MEIS1: variants seen among roughly 807,000 people sequenced by gnomAD.
MEIS1 encodes the protein homeobox protein Meis1.
MEIS1 carries 5 observed loss-of-function variants against 50.8 expected under a neutral mutation model. The ratio of observed to expected loss-of-function variants is 0.10; its 90% CI spans 0.05 to 0.21. The LOEUF (loss-of-function observed/expected upper bound fraction) is 0.21, where lower values mean the gene tolerates loss of function less well. Among genes scored for constraint, MEIS1 ranks in the 10% least tolerant of loss-of-function variants. MEIS1 has a pLI of 1.00. For synonymous variants in MEIS1, 176 were observed against 179.3 expected, an observed-to-expected ratio of 0.98 and a Z score of 0.15; for missense variants, 318 against 517.3, an observed-to-expected ratio of 0.61 and a Z score of 3.74.
In MEIS1 at chr2:66,573,286, G is replaced by GA. The variant is rs1220215138; in HGVS notation, c.*2080dup. 6 of 152,154 alleles carry GA rather than the reference G, an allele frequency of 3.9e-5. No homozygotes were observed. The highest frequency in any genetic ancestry group is 1.5e-5 in the Non-Finnish European group (1 of 68,030). The allele number at this position is 152,154 out of a possible 1,614,324, so 9.4% of individuals were successfully genotyped here. The stretch of plus-strand genomic sequence containing the variant: ...GGTAGAAAATAATATGTTTAAGCTG[G>GA]AATAGCTTATAATTTTATTTAAATA... On this transcript the variant is annotated 3_prime_UTR_variant, in exon 13 of 13. Transcript: ENST00000272369.
intron 7 of MEIS1, among the ~76,000 whole-genome samples, chr2:66,474,218 G>T (rs1672836114): frequency 6.6e-6 from 1 of 152,036 alleles, no homozygotes; most frequent in Admixed American, 6.6e-5. Flanking sequence ...CTCCTACCCT[G>T]GGACATCACC....
At chr2:66,550,464 CTGTTTTGTTTTGTTT>C (rs56404928) in intron 9 of MEIS1, among the ~76,000 whole-genome samples, 9,793 of 147,942 alleles carry the variant, frequency 0.066, 707 homozygotes, top group African/African-American at 0.17. Flanking sequence ...AAACCTCTTC[CTGTTTTGTTTTGTTT>C]TGTTTTGTTT....
intron 6 of MEIS1, among the ~76,000 whole-genome samples, chr2:66,449,464 A>G (rs1016424987): frequency 5.3e-5 from 8 of 152,142 alleles, no homozygotes; most frequent in African/African-American, 1.9e-4. Context: ...AAAAGATAAA[A>G]GAACATCTTC....
intron 9 of MEIS1, among the ~76,000 whole-genome samples, chr2:66,552,630 T>TG (rs1202873231): frequency 6.6e-6 from 1 of 152,128 alleles, no homozygotes; most frequent in Non-Finnish European, 1.5e-5. Context: ...TTATTATGAG[T>TG]GGGAAAAAAG....
chr2:66,543,000 C>T (rs183157164), intron 8 of MEIS1, among the ~76,000 whole-genome samples: 1 of 152,286 alleles, frequency 6.6e-6, no homozygotes, highest in East Asian at 1.9e-4. Flanking sequence ...TCAATAAACA[C>T]ACTTTCTTTC....
chr2:66,506,556 C>G (rs1330255573), intron 7 of MEIS1, among the ~76,000 whole-genome samples: 1 of 152,086 alleles, frequency 6.6e-6, no homozygotes, highest in African/African-American at 2.4e-5. Flanking sequence ...CCACGCCAGG[C>G]TAAGAAGTAT....
intron 7 of MEIS1, among the ~76,000 whole-genome samples, chr2:66,488,765 T>G (rs1361208279): frequency 6.6e-6 from 1 of 152,178 alleles, no homozygotes; most frequent in Admixed American, 6.5e-5. Context: ...GATAACAAGG[T>G]GAATATATCT....
chr2:66,435,985 T>C (rs1415469004), intron 1 of MEIS1, 117 bp downstream of exon 1: 1 of 864,534 alleles, frequency 1.2e-6, no homozygotes, highest in African/African-American at 1.8e-5. Context: ...ATGAGGCTCC[T>C]AAAGCCGTGG....
intron 1 of MEIS1, 74 bp from the exon 2 acceptor site, chr2:66,437,662 AG>A (rs1252134951): frequency 1.5e-6 from 2 of 1,360,848 alleles, no homozygotes; most frequent in Non-Finnish European, 2.1e-6. Flanking sequence ...ACCTTATATA[AG>A]CTCGGTGCCT....
intron 7 of MEIS1, among the ~76,000 whole-genome samples, chr2:66,493,323 A>G (rs1344271756): frequency 6.6e-6 from 1 of 152,160 alleles, no homozygotes; most frequent in East Asian, 1.9e-4. Context: ...AAGGACGCAT[A>G]TTATGATTCT....
chr2:66,495,892 G>A (rs749325454), intron 7 of MEIS1: 12 of 152,296 alleles, frequency 7.9e-5, no homozygotes, highest in Admixed American at 5.2e-4. Flanking sequence ...TGGGCATTTC[G>A]GCATAACCAG....
At position 66,443,102 on chromosome 2, in the gene MEIS1, A is replaced by G. The variant is rs576848613; in HGVS notation, c.630+54A>G. 47 of 1,536,928 alleles carry G rather than the reference A, an allele frequency of 3.1e-5. No homozygotes were observed. In the African/African-American group the frequency reaches 6.4e-4, roughly 21 times the overall value. Reference sequence around the variant, plus strand: ...GGGAAAAAAAAAAATCTGTATGCATATTGCTTGCTGGGTCACTACCACCTC... The same window carrying G: ...GGGAAAAAAAAAAATCTGTATGCATGTTGCTTGCTGGGTCACTACCACCTC... On this transcript the variant is annotated intron_variant, in intron 6 of 12. Coordinates refer to ENST00000272369, the MANE Select transcript of MEIS1 (RefSeq NM_002398.3).
chr2:66,535,964 T>C (rs1238944643), intron 8 of MEIS1, among the ~76,000 whole-genome samples: 1 of 152,230 alleles, frequency 6.6e-6, no homozygotes, highest in Non-Finnish European at 1.5e-5. Flanking sequence ...AAAAGAGTTT[T>C]CATGAAAATT....
At chr2:66,535,514 C>A (rs1674497795) in intron 8 of MEIS1, among the ~76,000 whole-genome samples, 1 of 152,166 alleles carries the variant, frequency 6.6e-6, no homozygotes, top group African/African-American at 2.4e-5. Context: ...TTTGTGATAA[C>A]CCTGCAGAAA....
chr2:66,535,250 A>C (rs1674489860), intron 8 of MEIS1, among the ~76,000 whole-genome samples: 1 of 152,120 alleles, frequency 6.6e-6, no homozygotes, highest in Non-Finnish European at 1.5e-5. Context: ...TCTTGTATAG[A>C]ATGAGGGCAA....
chr2:66,446,029 G>T (rs578203408), intron 6 of MEIS1, among the ~76,000 whole-genome samples: 1 of 152,230 alleles, frequency 6.6e-6, no homozygotes, highest in East Asian at 2.0e-4. Context: ...GCTGTTCCGG[G>T]CTCCCAGAGG....
chr2:66,527,234 C>T lies in MEIS1; in HGVS notation c.888+14940C>T, dbSNP rs562593589. ...TATCCCCATTTCACAGATGAAGGAA[C>T]TGGGACAGAAAAGGTTAAAGATCTA... On this transcript the variant is annotated intron_variant, in intron 8 of 12. Coordinates refer to ENST00000272369, the MANE Select transcript of MEIS1 (RefSeq NM_002398.3). Among the ~76,000 whole-genome samples the T allele has an allele frequency of 2.7e-3, 415 of 152,292 alleles. 1 individual carries two copies. The highest frequency in any genetic ancestry group is 0.016 in the South Asian group (77 of 4,818).
chr2:66,485,274 G>GC (rs933116871), intron 7 of MEIS1, among the ~76,000 whole-genome samples: 2 of 151,888 alleles, frequency 1.3e-5, no homozygotes, highest in Admixed American at 6.6e-5. Flanking sequence ...ACCCCGACAG[G>GC]CCCCACTGTG....
intron 7 of MEIS1, among the ~76,000 whole-genome samples, chr2:66,467,534 T>C (rs6738557): frequency 0.16 from 24,665 of 151,292 alleles, 2,413 homozygotes; most frequent in African/African-American, 0.27. Flanking sequence ...GAGGCGGAGG[T>C]TGCAGTGAGC....
Sources: allele counts gnomAD v4.1 joint callset (sites outside exome capture counted in the v4.1 genomes callset), GRCh38; gene constraint gnomAD v4.1.1; transcripts MANE v1.5; gene names NCBI Gene and HGNC (gene_info 2026-07-23, HGNC 2026-07-21).